The following FRAS1 variants were observed in gnomAD, a reference collection of about 807,000 sequenced individuals.
FRAS1 encodes the protein extracellular matrix organizing protein FRAS1.
Under a neutral mutation model 435.2 loss-of-function variants are expected in FRAS1, and 290 were observed. That is an observed-to-expected ratio of 0.67 (90% CI 0.61 to 0.73). The LOEUF is 0.73. FRAS1 is among the 30% of genes least tolerant of loss of function. The probability of loss-of-function intolerance (pLI) is 0.00; values close to 1 mark genes in which losing one functional copy is unlikely to be tolerated. For missense variants in FRAS1, 4,860 were observed against 5,001.5 expected (o/e 0.97, Z 0.85); for synonymous variants, 1,800 against 1,851.0 (o/e 0.97, Z 0.71).
chr4:78,224,318 C>T (rs1724178305), intron 2 of FRAS1, among the ~76,000 whole-genome samples: 1 of 152,168 alleles, frequency 6.6e-6, no homozygotes, highest in Non-Finnish European at 1.5e-5. Flanking sequence ...GATAACTGAC[C>T]AGACGTTCTT....
chr4:78,414,357 G>A (rs547669204), intron 32 of FRAS1, among the ~76,000 whole-genome samples: 1 of 152,320 alleles, frequency 6.6e-6, no homozygotes, highest in East Asian at 1.9e-4. Flanking sequence ...TTCCTGTGCT[G>A]TCACTGTGGA....
At chr4:78,437,007 T>A (rs2031631642) in intron 38 of FRAS1, among the ~76,000 whole-genome samples, 1 of 152,194 alleles carries the variant, frequency 6.6e-6, no homozygotes, top group African/African-American at 2.4e-5. Context: ...AAAAGTTACC[T>A]GAGAACAAGG....
In FRAS1 at chr4:78,534,456, A is replaced by G. The variant is rs1721819910; in HGVS notation, c.10933A>G (p.Ile3645Val). 2 of 1,612,040 alleles carry G rather than the reference A, an allele frequency of 1.2e-6. No individual in the cohort carries two copies. The highest frequency in any genetic ancestry group is 2.2e-5 in the East Asian group (1 of 44,856). ...GTTTCTCCTTGCATTTAGATTCCTG[A>G]TACCCATTGCATTCCAGCAGACCAA... The part of the protein sequence containing the change: ...CTAHAPERFL[I>V]PIAFQQTNRP... Residue 3645 changes from isoleucine to valine, a missense_variant, in exon 71 of 74, where the codon ATA (isoleucine) becomes GTA (valine). Ile to Val is a conservative substitution (Grantham distance 29). Coordinates refer to ENST00000512123, the MANE Select transcript of FRAS1 (RefSeq NM_025074.7).
At chr4:78,267,977 G>C (rs1216584577) in intron 9 of FRAS1, among the ~76,000 whole-genome samples, 1 of 152,214 alleles carries the variant, frequency 6.6e-6, no homozygotes, top group Non-Finnish European at 1.5e-5. Flanking sequence ...AACCTCTGCT[G>C]TCTGCAGAAT....
At chr4:78,306,682 C>T (rs1291670286) in intron 14 of FRAS1, among the ~76,000 whole-genome samples, 6 of 149,758 alleles carry the variant, frequency 4.0e-5, no homozygotes, top group East Asian at 2.0e-4. Context: ...GCATTCTTCA[C>T]GTAGTTCTCG....
chr4:78,201,181 T>G (rs372563820), intron 2 of FRAS1, among the ~76,000 whole-genome samples: 1 of 152,160 alleles, frequency 6.6e-6, no homozygotes, highest in East Asian at 1.9e-4. Context: ...CTTATCCTTT[T>G]CTGGTGTTGG....
intron 1 of FRAS1, among the ~76,000 whole-genome samples, chr4:78,059,528 G>T (rs1739651071): frequency 6.7e-6 from 1 of 150,340 alleles, no homozygotes; most frequent in Non-Finnish European, 1.5e-5. Flanking sequence ...AAAAAAGCTT[G>T]TAGGGCTTGA....
At chr4:78,234,998 G>A (rs1029948312) in intron 2 of FRAS1, among the ~76,000 whole-genome samples, 1 of 152,164 alleles carries the variant, frequency 6.6e-6, no homozygotes, top group African/African-American at 2.4e-5. Context: ...CGATCATTGC[G>A]ACTGGCAAGT....
rs949012736 is a variant in FRAS1, at chr4:78,472,175, T to G, written c.7372-5T>G. On this transcript the variant is annotated splice_polypyrimidine_tract_variant and splice_region_variant and intron_variant, in intron 51 of 73. Coordinates refer to ENST00000512123, the MANE Select transcript of FRAS1 (RefSeq NM_025074.7). ...GGAATTAAATTAAATGGGTTTCTAT[T>G]CTAGGCAACCAACCTGATCACCAAG... The G allele has an allele frequency of 1.9e-6, 3 of 1,613,642 alleles. No individual in the cohort carries two copies. Among genetic ancestry groups the G allele is most frequent in the Non-Finnish European group, 2.5e-6 (3 of 1,179,706 alleles).
intron 2 of FRAS1, among the ~76,000 whole-genome samples, chr4:78,105,876 G>A (rs1338104114): frequency 7.1e-6 from 1 of 139,944 alleles, no homozygotes; most frequent in East Asian, 2.0e-4. Context: ...AGTGGGCGCA[G>A]GCCAGTGTGT....
rs1362758802 is a variant in FRAS1, at chr4:78,430,395, G to A, written c.4947G>A (p.Glu1649=). ...QHGVLLKHTA[E]FRRPMATGDT... ...GTGTGCTTCTTAAGCATACAGCTGA[G>A]TTCCGAAGGCCGATGGCCACAGGTA... The change falls in exon 37 of 74, where the codon GAG becomes GAA. Residue 1649 remains glutamate, a synonymous_variant. Transcript: ENST00000512123. The A allele has an allele frequency of 6.2e-7, 1 of 1,613,286 alleles. No homozygotes were observed. The highest frequency in any genetic ancestry group is 8.5e-7 in the Non-Finnish European group (1 of 1,179,656).
At chr4:78,481,557 C>T (rs1199585414) in intron 56 of FRAS1, among the ~76,000 whole-genome samples, 1 of 152,186 alleles carries the variant, frequency 6.6e-6, no homozygotes, top group Non-Finnish European at 1.5e-5. Context: ...AGGGCTCTCT[C>T]CAGCACCATC....
At chr4:78,482,595 T>C (rs1332709958) in intron 58 of FRAS1, 60 bp downstream of exon 58, 4 of 1,523,746 alleles carry the variant, frequency 2.6e-6, no homozygotes, top group Non-Finnish European at 3.6e-6. Flanking sequence ...TTCTTTAACG[T>C]CCACATATGT....
At chr4:78,316,049 A>G (rs1406123728) in intron 16 of FRAS1, among the ~76,000 whole-genome samples, 2 of 152,226 alleles carry the variant, frequency 1.3e-5, no homozygotes, top group Non-Finnish European at 2.9e-5. Context: ...TAGGTTGCAG[A>G]TGTAACAGAA....
chr4:78,125,457 T>C (rs1481659086), intron 2 of FRAS1, among the ~76,000 whole-genome samples: 2 of 152,228 alleles, frequency 1.3e-5, no homozygotes, highest in African/African-American at 2.4e-5. Context: ...GAGAAGAATG[T>C]ATGTTCTGTT....
At chr4:78,207,513 A>C (rs1723312987) in intron 2 of FRAS1, among the ~76,000 whole-genome samples, 1 of 152,214 alleles carries the variant, frequency 6.6e-6, no homozygotes, top group Non-Finnish European at 1.5e-5. Flanking sequence ...CTGATCTAAA[A>C]TTTCTTGTTT....
intron 15 of FRAS1, among the ~76,000 whole-genome samples, chr4:78,314,878 T>G (rs778257181): frequency 2.3e-4 from 35 of 152,062 alleles, no homozygotes; most frequent in Non-Finnish European, 4.3e-4. Context: ...CATTTTTTTT[T>G]GAATTTTCAT....
rs540211976 is a variant in FRAS1 at position 78,378,775 on chromosome 4, C to G, written c.3293-951C>G. Among the ~76,000 whole-genome samples the G allele has an allele frequency of 8.5e-5, 13 of 152,124 alleles. No individual in the cohort carries two copies. The South Asian group carries it at 2.5e-3, about 29-fold the overall frequency. On this transcript the variant is annotated intron_variant, in intron 26 of 73. Coordinates refer to ENST00000512123, the MANE Select transcript of FRAS1 (RefSeq NM_025074.7). ...TTCTTTATATATTCTTGACACAAGT[C>G]CCTTTGTAGATATATGATTTGCATG... is the stretch of plus-strand genomic sequence containing the variant.
intron 2 of FRAS1, among the ~76,000 whole-genome samples, chr4:78,069,630 C>T (rs930496256): frequency 6.6e-6 from 1 of 152,088 alleles, no homozygotes; most frequent in Non-Finnish European, 1.5e-5. Flanking sequence ...AGGGTTGTTG[C>T]AAAGACGATA....
Sources: allele counts gnomAD v4.1 joint callset (sites outside exome capture counted in the v4.1 genomes callset), GRCh38; gene constraint gnomAD v4.1.1; transcripts MANE v1.5; gene names NCBI Gene and HGNC (gene_info 2026-07-23, HGNC 2026-07-21).